The following CCDC15 variants were observed in gnomAD, a reference collection of about 807,000 sequenced individuals.
CCDC15 encodes the protein coiled-coil domain-containing protein 15.
CCDC15 carries 105 observed loss-of-function variants against 114.5 expected under a neutral mutation model. That is an observed-to-expected ratio of 0.92 (90% CI 0.78 to 1.08). The LOEUF (loss-of-function observed/expected upper bound fraction) is 1.08. CCDC15 is among the 50% of genes least tolerant of loss of function. CCDC15 has a pLI of 0.00. For synonymous variants in CCDC15, 334 were observed against 377.8 expected (o/e 0.88, Z 1.34); for missense variants, 1,105 against 1,093.6 (o/e 1.01, Z -0.15).
intron 14 of CCDC15, 124 bp from the exon 15 acceptor site, chr11:125,038,797 G>T: frequency 1.5e-6 from 2 of 1,290,632 alleles, no homozygotes; most frequent in Non-Finnish European, 2.1e-6. Context: ...CCAGTACAAA[G>T]AGGAAATGTC....
intron 13 of CCDC15, among the ~76,000 whole-genome samples, chr11:125,026,682 C>T (rs1409477775): frequency 1.3e-5 from 2 of 152,178 alleles, no homozygotes; most frequent in African/African-American, 2.4e-5. Context: ...CTCTTCTCAC[C>T]TCCAGCCCCT....
chr11:125,034,675 CAGG>C (rs2135543406), intron 13 of CCDC15, among the ~76,000 whole-genome samples: 1 of 152,268 alleles, frequency 6.6e-6, no homozygotes, highest in South Asian at 2.1e-4. Context: ...AGCAGTGAAT[CAGG>C]AGTGTCAAAT....
At chr11:125,005,249 C>T in intron 13 of CCDC15, 37 bp downstream of exon 13, 1 of 924,900 alleles carries the variant, frequency 1.1e-6, no homozygotes, top group Non-Finnish European at 1.7e-6. Flanking sequence ...CCTTAAATTG[C>T]CAATTAAGAT....
chr11:124,967,287 T>A (rs1388068930), intron 4 of CCDC15, among the ~76,000 whole-genome samples: 1 of 152,220 alleles, frequency 6.6e-6, no homozygotes, highest in Non-Finnish European at 1.5e-5. Context: ...CAAACATAGA[T>A]TTGGTCTTTT....
rs1948184977 is a variant in CCDC15 at position 124,987,297 on chromosome 11, GCCAGATAC to G, written c.1076_1083del (p.Asp359GlyfsTer3). The G allele has an allele frequency of 3.1e-6, 5 of 1,611,160 alleles. No individual in the cohort carries two copies. Among genetic ancestry groups the G allele is most frequent in the Admixed American group, 1.7e-5 (1 of 59,560 alleles). On this transcript the variant is annotated frameshift_variant, in exon 8 of 16. Transcript: ENST00000344762. LOFTEE classifies it high-confidence loss of function. ...ATTTGACAGGAATCCAGAGTGTTAA[GCCAGATAC>G]CCAGGCTGTTGAAATGAAGGTTCAG...
chr11:124,996,413 C>T (rs1336140796), intron 11 of CCDC15, among the ~76,000 whole-genome samples: 1 of 152,206 alleles, frequency 6.6e-6, no homozygotes, highest in African/African-American at 2.4e-5. Flanking sequence ...AAAGTTTTCT[C>T]TTCAAGCCCC....
intron 13 of CCDC15, among the ~76,000 whole-genome samples, chr11:125,019,359 A>C (rs142582521): frequency 5.5e-4 from 83 of 152,104 alleles, no homozygotes; most frequent in African/African-American, 1.8e-3. Flanking sequence ...TGCTTTAGAG[A>C]CACTAAGTTA....
At chr11:125,038,717 T>A in intron 14 of CCDC15, 113 bp downstream of exon 14, 1 of 1,226,526 alleles carries the variant, frequency 8.2e-7, no homozygotes, top group Non-Finnish European at 1.1e-6. Flanking sequence ...CTTTTCCTCA[T>A]TTAGGAGTTC....
chr11:124,982,438 C>A (rs895092274), intron 6 of CCDC15, among the ~76,000 whole-genome samples: 1 of 152,194 alleles, frequency 6.6e-6, no homozygotes, highest in Non-Finnish European at 1.5e-5. Flanking sequence ...TCTTTCCTTT[C>A]CATATTTAGC....
intron 13 of CCDC15, among the ~76,000 whole-genome samples, chr11:125,007,963 G>A (rs76615601): frequency 0.021 from 3,221 of 152,202 alleles, 126 homozygotes; most frequent in African/African-American, 0.073. Flanking sequence ...TCTTGAAGTC[G>A]GGTAATTTCA....
chr11:125,028,105 A>G lies in CCDC15; in HGVS notation c.2412-10326A>G, dbSNP rs75888933. Among the ~76,000 whole-genome samples, 685 of 152,134 alleles carry G rather than the reference A, an allele frequency of 4.5e-3. 5 individuals carry two copies. The highest frequency in any genetic ancestry group is 0.016 in the African/African-American group (651 of 41,522). ...TTCCATTGGTCTATGTGCCTGTACT[A>G]TGTATGTACTACGGGCACTAAGTAT... On this transcript the variant is annotated intron_variant, in intron 13 of 15. Transcript: ENST00000344762.
intron 11 of CCDC15, among the ~76,000 whole-genome samples, chr11:125,002,838 C>T (rs562339964): frequency 2.4e-4 from 37 of 152,090 alleles, no homozygotes; most frequent in African/African-American, 8.9e-4. Context: ...GAGTGAGTCC[C>T]CTAACTTTGT....
intron 4 of CCDC15, among the ~76,000 whole-genome samples, chr11:124,967,705 A>G (rs1947808332): frequency 6.6e-6 from 1 of 152,080 alleles, no homozygotes; most frequent in Non-Finnish European, 1.5e-5. Flanking sequence ...TTTGGAGGAG[A>G]AGAAGTGCTC....
At chr11:125,017,190 A>G (rs1186404856) in intron 13 of CCDC15, among the ~76,000 whole-genome samples, 1 of 152,198 alleles carries the variant, frequency 6.6e-6, no homozygotes, top group Non-Finnish European at 1.5e-5. Context: ...ATAAAATGAT[A>G]TGGTTTCATT....
At chr11:125,001,874 T>A (rs1321161858) in intron 11 of CCDC15, among the ~76,000 whole-genome samples, 1 of 152,210 alleles carries the variant, frequency 6.6e-6, no homozygotes, top group African/African-American at 2.4e-5. Flanking sequence ...GTACAAGTTT[T>A]TTTTTTGTGG....
At chr11:125,039,109 A>G in intron 15 of CCDC15, 40 bp downstream of exon 15, 1 of 1,517,420 alleles carries the variant, frequency 6.6e-7, no homozygotes, top group Non-Finnish European at 8.9e-7. Flanking sequence ...TAATGGCAAC[A>G]AGAAAAATAA....
Position 124,986,679 on chromosome 11 carries a change from GTGTGTGTGTGTT to G in CCDC15, c.754-52_754-41del, listed in dbSNP as rs1449381467. ...TAGCTACATGGTGCTGTGTGTGTGT[GTGTGTGTGTGTT>G]TGTGTGTGTGCGCGCGCGCGCGTGC... On this transcript the variant is annotated intron_variant, in intron 6 of 15. Coordinates refer to ENST00000344762, the MANE Select transcript of CCDC15 (RefSeq NM_025004.3). The G allele has an allele frequency of 2.6e-5, 36 of 1,385,010 alleles. 1 individual carries two copies. The African/African-American group carries it at 3.2e-4, about 12-fold the overall frequency. 85.8% of individuals were successfully genotyped at this position (1,385,010 alleles called of 1,614,324 possible). A position where few individuals can be genotyped will look rare whatever the true frequency, so the allele number is the denominator to read the frequency against.
intron 4 of CCDC15, among the ~76,000 whole-genome samples, chr11:124,964,509 T>G (rs1179323027): frequency 1.3e-5 from 2 of 152,236 alleles, no homozygotes; most frequent in Non-Finnish European, 2.9e-5. Context: ...GAGACTTTGC[T>G]GAAGTTGCTT....
chr11:124,975,061 G>A (rs75802755), intron 4 of CCDC15, 35 bp from the exon 5 acceptor site: 1 of 1,360,074 alleles, frequency 7.4e-7, no homozygotes. Context: ...AACTTATCCT[G>A]CTTTTGTTTG....
Sources: allele counts gnomAD v4.1 joint callset (sites outside exome capture counted in the v4.1 genomes callset), GRCh38; gene constraint gnomAD v4.1.1; transcripts MANE v1.5; gene names NCBI Gene and HGNC (gene_info 2026-07-23, HGNC 2026-07-21).